Variants in ADAP2 observed in about 807,000 individuals in gnomAD.
ADAP2 encodes arf-GAP with dual PH domain-containing protein 2.
A neutral mutation model predicts 54.9 loss-of-function variants in ADAP2; 42 were observed. The ratio of observed to expected loss-of-function variants is 0.77; its 90% CI spans 0.60 to 0.99. The LOEUF (loss-of-function observed/expected upper bound fraction) is 0.99. Ranked by LOEUF, ADAP2 falls within the 50% of genes least tolerant of loss-of-function variation. ADAP2 has a pLI of 0.00. For missense variants in ADAP2, 429 were observed against 480.4 expected (o/e 0.89, Z 1.00); for synonymous variants, 177 against 180.1 (o/e 0.98, Z 0.14).
chr17:30,950,461 G>C (rs1378553187), intron 7 of ADAP2, among the ~76,000 whole-genome samples: 2 of 152,230 alleles, frequency 1.3e-5, no homozygotes, highest in Non-Finnish European at 1.5e-5. Context: ...TTTCCATATG[G>C]GTAAGATGGC....
chr17:30,953,928 G>A (rs188890938), intron 8 of ADAP2, among the ~76,000 whole-genome samples: 26 of 151,808 alleles, frequency 1.7e-4, no homozygotes, highest in Middle Eastern at 3.4e-3. Context: ...TGTATTTTAT[G>A]TGTGGCCCAA....
At chr17:30,944,499 G>GTGGT (rs776988199) in intron 5 of ADAP2, among the ~76,000 whole-genome samples, 5 of 152,274 alleles carry the variant, frequency 3.3e-5, no homozygotes, top group East Asian at 3.9e-4. Flanking sequence ...TTAGCCAGGT[G>GTGGT]TGGTGGCTAG....
intron 9 of ADAP2, 135 bp downstream of exon 9, chr17:30,954,690 C>A (rs1598058719): frequency 2.9e-6 from 2 of 687,872 alleles, no homozygotes; most frequent in East Asian, 5.3e-5. Flanking sequence ...AGAGGAAAAC[C>A]TCTACCCCTT....
At chr17:30,926,689 G>A (rs768283667) in intron 2 of ADAP2, 138 bp from the exon 3 acceptor site, 1 of 703,940 alleles carries the variant, frequency 1.4e-6, no homozygotes, top group Non-Finnish European at 2.5e-6. Context: ...CTTCCCAGCA[G>A]TATGGATGAC....
Position 30,926,859 on chromosome 17 carries a change from G to T in ADAP2, c.258G>T (p.Lys86Asn), listed in dbSNP as rs201679409. ...TCCACAATGGAAACCTCCGTGTGAA[G>T]GCCAAGTTCGAAGCCAGAGTCCCAG... ...FMIHNGNLRV[K>N]AKFEARVPAF... is the part of the protein sequence containing the mutation. The change falls in exon 3 of 11, where the codon AAG (lysine) becomes AAT (asparagine). Residue 86 changes from lysine to asparagine, a missense_variant. Coordinates refer to ENST00000330889, the MANE Select transcript of ADAP2 (RefSeq NM_018404.3). The T allele has an allele frequency of 3.7e-6, 6 of 1,614,234 alleles. No homozygotes were observed. Among genetic ancestry groups the T allele is most frequent in the Admixed American group, 3.3e-5 (2 of 60,024 alleles).
intron 5 of ADAP2, among the ~76,000 whole-genome samples, chr17:30,936,560 CA>C (rs1198116316): frequency 2.0e-5 from 3 of 152,092 alleles, no homozygotes; most frequent in African/African-American, 7.2e-5. Flanking sequence ...TGATGTTGAG[CA>C]TCTTTTTAAT....
At position 30,949,271 on chromosome 17, in the gene ADAP2, G is replaced by T; in HGVS notation, c.658-16G>T. ...TCTCACTGCTGTGTGTGTGTCCTGT[G>T]CACTTCTCTCCGCAGGAGATAGTGG... is the stretch of plus-strand genomic sequence containing the variant. On this transcript the variant is annotated splice_polypyrimidine_tract_variant and intron_variant, in intron 6 of 10. Transcript: ENST00000330889. 6.2e-7 allele frequency: 1 copy of T among 1,611,106 alleles called. No individual in the cohort carries two copies.
chr17:30,956,287 GAT>G lies in ADAP2; in HGVS notation c.932_933del (p.Tyr311Ter). 6.2e-7 allele frequency: 1 copy of G among 1,614,196 alleles called. No individual in the cohort carries two copies. On this transcript the variant is annotated frameshift_variant, in exon 10 of 11. Transcript: ENST00000330889. LOFTEE classifies it high-confidence loss of function. ...GTTTTTCTTGGGAACAAGGAGCAGG[GAT>G]ATGAAGCCTACGAAGACCTGCCCAA... is the stretch of plus-strand genomic sequence containing the variant.
chr17:30,931,247 T>G (rs926866465), intron 3 of ADAP2, among the ~76,000 whole-genome samples: 14 of 152,116 alleles, frequency 9.2e-5, no homozygotes, highest in African/African-American at 3.4e-4. Context: ...AACTCGGTGG[T>G]TCTCATATAG....
chr17:30,928,716 A>G (rs912035573), intron 3 of ADAP2, among the ~76,000 whole-genome samples: 4 of 152,048 alleles, frequency 2.6e-5, no homozygotes, highest in African/African-American at 7.2e-5. Flanking sequence ...AATTTTATAT[A>G]AGAGGGGGGC....
At chr17:30,940,461 T>C (rs985321126) in intron 5 of ADAP2, among the ~76,000 whole-genome samples, 12 of 152,146 alleles carry the variant, frequency 7.9e-5, no homozygotes, top group Non-Finnish European at 1.6e-4. Flanking sequence ...TTGGCCACCA[T>C]GCTGGGCTAA....
rs1411416641 is a variant in ADAP2 at position 30,956,338 on chromosome 17, A to T, written c.980A>T (p.Lys327Ile). 6.2e-7 allele frequency: 1 copy of T among 1,614,210 alleles called. No individual in the cohort carries two copies. The highest frequency in any genetic ancestry group is 8.5e-7 in the Non-Finnish European group (1 of 1,180,032). The change falls in exon 10 of 11, where the codon AAA becomes ATA. Residue 327 changes from lysine (K) to isoleucine (I), a missense_variant. Lys to Ile is a moderately radical substitution (Grantham distance 102, BLOSUM62 -3). Coordinates refer to ENST00000330889, the MANE Select transcript of ADAP2 (RefSeq NM_018404.3). Reference sequence around the variant, plus strand: ...AAGGGCATCCGAGGAAATCGCTGGAAAGCCGGACTCACCATTGTCACCCCA... The same window carrying T: ...AAGGGCATCCGAGGAAATCGCTGGATAGCCGGACTCACCATTGTCACCCCA... ...LPKGIRGNRW[K>I]AGLTIVTPER...
chr17:30,926,127 C>T (rs1271837727), intron 2 of ADAP2, among the ~76,000 whole-genome samples: 1 of 152,150 alleles, frequency 6.6e-6, no homozygotes, highest in Non-Finnish European at 1.5e-5. Context: ...CCAAAGCTGG[C>T]GACACAGCCT....
chr17:30,924,162 C>T (rs1910857327), intron 2 of ADAP2, among the ~76,000 whole-genome samples: 1 of 152,074 alleles, frequency 6.6e-6, no homozygotes, highest in Admixed American at 6.6e-5. Context: ...TGCTTGAGCC[C>T]AGAAGTTCAA....
In ADAP2 at chr17:30,934,212, G is replaced by A. The variant is rs755735435; in HGVS notation, c.425G>A (p.Arg142Gln). The change falls in exon 5 of 11, where the codon CGA becomes CAA. Residue 142 changes from arginine (R) to glutamine (Q), a missense_variant. By Grantham distance (43) the Arg-to-Gln change is conservative. Coordinates refer to ENST00000330889, the MANE Select transcript of ADAP2 (RefSeq NM_018404.3). ...PGNREGFLWK[R>Q]GRDNSQFLRR... ...AACCGAGAAGGATTCCTGTGGAAGC[G>A]AGGAAGGGACAACTCACAGTTTCTG... 17 of 1,613,974 alleles carry A rather than the reference G, an allele frequency of 1.1e-5. No homozygotes were observed. The highest frequency in any genetic ancestry group is 1.4e-5 in the Non-Finnish European group (16 of 1,179,998).
chr17:30,946,427 C>T (rs1912684042), intron 6 of ADAP2, among the ~76,000 whole-genome samples: 1 of 152,002 alleles, frequency 6.6e-6, no homozygotes, highest in African/African-American at 2.4e-5. Flanking sequence ...CTATGTTGGC[C>T]AGGCTGGTCT....
At chr17:30,940,846 T>C (rs1219470657) in intron 5 of ADAP2, among the ~76,000 whole-genome samples, 1 of 152,174 alleles carries the variant, frequency 6.6e-6, no homozygotes, top group Non-Finnish European at 1.5e-5. Flanking sequence ...TGAGCAGATG[T>C]TATTGTTCTT....
At chr17:30,949,802 C>T (rs1904488272) in intron 7 of ADAP2, among the ~76,000 whole-genome samples, 1 of 150,558 alleles carries the variant, frequency 6.6e-6, no homozygotes, top group South Asian at 2.1e-4. Context: ...TGTTTGCAGG[C>T]AAGACCTCGA....
chr17:30,955,117 T>A (rs1290431320), intron 9 of ADAP2, among the ~76,000 whole-genome samples: 2 of 152,024 alleles, frequency 1.3e-5, no homozygotes, highest in African/African-American at 4.8e-5. Context: ...TCACTTATTT[T>A]TTTTTTTTTA....
Sources: gnomAD v4.1 joint callset for allele counts (sites outside exome capture counted in the v4.1 genomes callset) on GRCh38, gnomAD v4.1.1 for gene constraint, MANE v1.5 for transcripts, NCBI Gene and HGNC (gene_info 2026-07-23, HGNC 2026-07-21) for gene names.